Variants in COL5A3 observed in about 807,000 individuals in gnomAD.
COL5A3 encodes the protein collagen alpha-3(V) chain.
In COL5A3, 172 loss-of-function variants were observed where a neutral mutation model predicts 250.0. The ratio of observed to expected loss-of-function variants is 0.69; its 90% CI spans 0.61 to 0.78. COL5A3 has a LOEUF of 0.78. Among genes scored for constraint, COL5A3 ranks in the 30% least tolerant of loss-of-function variants. The pLI is 0.00. For missense variants in COL5A3, 2,340 were observed against 2,334.4 expected, an observed-to-expected ratio of 1.00 and a Z score of -0.05; for synonymous variants, 937 against 900.4, an observed-to-expected ratio of 1.04 and a Z score of -0.73.
chr19:10,009,748 A>G lies in COL5A3; in HGVS notation c.88+550T>C, dbSNP rs1481997780. Among the ~76,000 whole-genome samples, 1 of 152,048 alleles carries G rather than the reference A, an allele frequency of 6.6e-6. No individual in the cohort carries two copies. Among genetic ancestry groups the G allele is most frequent in the African/African-American group, 2.4e-5 (1 of 41,394 alleles). On this transcript the variant is annotated intron_variant, in intron 1 of 66. Coordinates refer to ENST00000264828, the MANE Select transcript of COL5A3 (RefSeq NM_015719.4). This position sits in a 1 kb window ranked among gnomAD's most constrained non-coding sequence, Gnocchi z 4.4. The stretch of plus-strand genomic sequence containing the variant: ...GTGGGTTCCCGAAGAGCACCCCCCA[A>G]TACTTGTCCCCACCCACCTTCATCC...
At chr19:9,973,858 CTCT>C (rs1433920988) in intron 48 of COL5A3, 49 bp from the exon 49 acceptor site, 10 of 1,609,630 alleles carry the variant, frequency 6.2e-6, no homozygotes, top group Non-Finnish European at 6.8e-6. Flanking sequence ...TCCCAACATC[CTCT>C]TCTTAGGAAA....
chr19:9,966,483 C>G, intron 63 of COL5A3, 53 bp downstream of exon 63: 7 of 1,551,806 alleles, frequency 4.5e-6, no homozygotes, highest in Non-Finnish European at 6.1e-6. Flanking sequence ...GGACCCCAAC[C>G]CCCCCCACAC....
chr19:9,975,495 G>A (rs995659274), intron 45 of COL5A3, among the ~76,000 whole-genome samples: 7 of 152,166 alleles, frequency 4.6e-5, no homozygotes, highest in African/African-American at 1.7e-4. Context: ...TTAAGGTTGA[G>A]TGTATATTGG....
At chr19:9,971,796 A>G (rs1355372803) in intron 51 of COL5A3, among the ~76,000 whole-genome samples, 2 of 152,184 alleles carry the variant, frequency 1.3e-5, no homozygotes, top group African/African-American at 2.4e-5. Flanking sequence ...CAGTGTTAGA[A>G]TGATCTGCCG....
In COL5A3 at chr19:9,979,975, T is replaced by A. The variant is rs1307686614; in HGVS notation, c.2658+19A>T. ...CATCCTCCACCCACCCAACCCCCAATGAGGGTGACCTCACTCACAGGGGGG... is the reference window on the plus strand; with the variant it reads ...CATCCTCCACCCACCCAACCCCCAAAGAGGGTGACCTCACTCACAGGGGGG... On this transcript the variant is annotated intron_variant, in intron 36 of 66. Coordinates refer to ENST00000264828, the MANE Select transcript of COL5A3 (RefSeq NM_015719.4). 2.5e-6 allele frequency: 4 copies of A among 1,579,496 alleles called. No individual in the cohort carries two copies. Among genetic ancestry groups the A allele is most frequent in the Non-Finnish European group, 3.4e-6 (4 of 1,169,638 alleles).
rs747995604 is a variant in COL5A3, at chr19:10,001,683, G to A, written c.964-13C>T. The A allele has an allele frequency of 4.2e-5, 68 of 1,613,738 alleles. 1 individual carries two copies. The Admixed American group carries it at 4.8e-4, about 11-fold the overall frequency. ...GGTCCAAGCTCCTCTGAGAACGTTA[G>A]GAAAGACCAAAGTTTTCCCTGACCT... On this transcript the variant is annotated splice_polypyrimidine_tract_variant and intron_variant, in intron 7 of 66. Transcript: ENST00000264828.
At chr19:9,988,283 A>C (rs1257063882) in intron 27 of COL5A3, among the ~76,000 whole-genome samples, 1 of 152,178 alleles carries the variant, frequency 6.6e-6, no homozygotes, top group Non-Finnish European at 1.5e-5. Context: ...CTTGGCTACA[A>C]TGTAACTCTG....
At chr19:9,973,135 G>A in intron 50 of COL5A3, 109 bp from the exon 51 acceptor site, 1 of 968,054 alleles carries the variant, frequency 1.0e-6, no homozygotes, top group Non-Finnish European at 1.5e-6. Context: ...CTGGGGTCAG[G>A]GTTCAGAGTA....
At chr19:9,980,885 C>A (rs2087000063) in intron 33 of COL5A3, 26 bp from the exon 34 acceptor site, 1 of 1,597,724 alleles carries the variant, frequency 6.3e-7, no homozygotes, top group East Asian at 2.3e-5. Flanking sequence ...AGGCAAAGAT[C>A]AGATATGAGG....
chr19:9,986,812 C>T, intron 27 of COL5A3, 54 bp from the exon 28 acceptor site: 1 of 1,594,802 alleles, frequency 6.3e-7, no homozygotes, highest in Non-Finnish European at 8.6e-7. Flanking sequence ...AAGAAGTGAC[C>T]CAGACTCAGT....
chr19:10,001,707 C>T (rs1277927953), intron 7 of COL5A3, 37 bp from the exon 8 acceptor site: 22 of 1,612,942 alleles, frequency 1.4e-5, no homozygotes, highest in African/African-American at 2.7e-5. Flanking sequence ...TTTCCCTGAC[C>T]TCCTTATTTT....
In COL5A3 at chr19:10,006,208, G is replaced by T; in HGVS notation, c.112C>A (p.Leu38Met). The T allele has an allele frequency of 1.9e-6, 3 of 1,602,256 alleles. No homozygotes were observed. Among genetic ancestry groups the T allele is most frequent in the Non-Finnish European group, 2.6e-6 (3 of 1,175,042 alleles). ...QADPVDVLKA[L>M]GVQGGQAGVP... ...CCAGCCTGGCCTCCCTGCACACCCA[G>T]GGCCTTCAGGACATCCACAGGATCT... Residue 38 changes from leucine to methionine, a missense_variant, in exon 2 of 67, where the codon CTG becomes ATG. Around this residue, in one of 3 missense-constraint regions of COL5A3, gnomAD observed 1,152 missense variants for 1,146.3 expected, o/e 1.00. Coordinates refer to ENST00000264828, the MANE Select transcript of COL5A3 (RefSeq NM_015719.4).
chr19:9,974,828 G>A (rs2086897514), intron 45 of COL5A3, among the ~76,000 whole-genome samples: 1 of 152,258 alleles, frequency 6.6e-6, no homozygotes, highest in South Asian at 2.1e-4. Flanking sequence ...GACAGGTCTG[G>A]GTCAGGGCTT....
intron 65 of COL5A3, among the ~76,000 whole-genome samples, chr19:9,962,003 A>G (rs889536127): frequency 6.6e-6 from 1 of 152,224 alleles, no homozygotes; most frequent in African/African-American, 2.4e-5. Context: ...TATAGAGCAA[A>G]TATTCCCAAT....
At chr19:9,982,594 C>T (rs1355366318) in intron 31 of COL5A3, among the ~76,000 whole-genome samples, 2 of 152,208 alleles carry the variant, frequency 1.3e-5, no homozygotes, top group African/African-American at 4.8e-5. Context: ...TTATTCCCCA[C>T]TGCCTGGCAC....
chr19:9,992,746 C>T, intron 21 of COL5A3, 81 bp downstream of exon 21: 1 of 1,439,794 alleles, frequency 6.9e-7, no homozygotes, highest in Non-Finnish European at 9.6e-7. Flanking sequence ...CACCGCACTC[C>T]AGCCTGGGCG....
In COL5A3 at chr19:9,974,727, C is replaced by T. The variant is rs191551974; in HGVS notation, c.3343-319G>A. On this transcript the variant is annotated intron_variant, in intron 45 of 66. Coordinates refer to ENST00000264828, the MANE Select transcript of COL5A3 (RefSeq NM_015719.4). ...CAGGGTCATATTCAAAGTTTGAGTT[C>T]AGGTCTGGGGTCAGCATTGGAAGAG... 1.4e-3 allele frequency among the ~76,000 whole-genome samples: 213 copies of T among 151,168 alleles called. 4 individuals carry two copies. The highest frequency in any genetic ancestry group is 0.013 in the Admixed American group (196 of 15,150).
Position 10,005,538 on chromosome 19 carries a change from C to T in COL5A3, c.594+20G>A, listed in dbSNP as rs746844802. On this transcript the variant is annotated intron_variant, in intron 4 of 66. Coordinates refer to ENST00000264828, the MANE Select transcript of COL5A3 (RefSeq NM_015719.4). ...ACATCCCACCCTCTGCCTCAGTTTC[C>T]CCCATCACTGAACTCCTACCTCGAA... The T allele has an allele frequency of 8.1e-6, 13 of 1,612,218 alleles. No homozygotes were observed. In the East Asian group the frequency reaches 1.6e-4, roughly 19 times the overall value.
chr19:9,968,147 A>C lies in COL5A3; in HGVS notation c.4315-68T>G, dbSNP rs1245118623. On this transcript the variant is annotated intron_variant, in intron 59 of 66. Coordinates refer to ENST00000264828, the MANE Select transcript of COL5A3 (RefSeq NM_015719.4). The surrounding 1 kb of genome is among the most constrained non-coding windows in gnomAD (Gnocchi z 4.1). ...ATTGCCCTGACACATCCCCCAGACAAGCCTTCAATCCTACCAAAGGAAGAC... is the reference window on the plus strand; with the variant it reads ...ATTGCCCTGACACATCCCCCAGACACGCCTTCAATCCTACCAAAGGAAGAC... The C allele has an allele frequency of 6.9e-7, 1 of 1,445,108 alleles. No individual in the cohort carries two copies. The highest frequency in any genetic ancestry group is 2.3e-5 in the East Asian group (1 of 43,006). The allele number at this position is 1,445,108 out of a possible 1,614,324, so 89.5% of individuals were successfully genotyped here.
Sources: allele counts gnomAD v4.1 joint callset (sites outside exome capture counted in the v4.1 genomes callset), GRCh38; gene constraint gnomAD v4.1.1; regional missense constraint gnomAD v4.1.1; non-coding constraint Gnocchi (gnomAD v3.1); transcripts MANE v1.5; gene names NCBI Gene and HGNC (gene_info 2026-07-23, HGNC 2026-07-21).